Variants in KIR2DL4 observed in about 807,000 individuals in gnomAD.
KIR2DL4 encodes the protein killer cell immunoglobulin-like receptor 2DL4.
Under a neutral mutation model 31.0 loss-of-function variants are expected in KIR2DL4, and 41 were observed. The ratio of observed to expected loss-of-function variants is 1.32; its 90% CI spans 1.03 to 1.72. The LOEUF is 1.72. KIR2DL4 is among the 40% of genes most tolerant of loss of function. The pLI, the probability that KIR2DL4 is intolerant of heterozygous loss-of-function variation, is 0.00. For synonymous variants in KIR2DL4, 164 were observed against 133.6 expected, an observed-to-expected ratio of 1.23 and a Z score of -1.57; for missense variants, 438 against 353.7, an observed-to-expected ratio of 1.24 and a Z score of -1.91.
chr19:54,808,986 C>A, intron 5 of KIR2DL4, 103 bp downstream of exon 5: 1 of 941,518 alleles, frequency 1.1e-6, no homozygotes, highest in Non-Finnish European at 1.8e-6. Flanking sequence ...TGATTGTGGG[C>A]CTGTCTTCCA....
intron 3 of KIR2DL4, 101 bp from the exon 4 acceptor site, chr19:54,805,850 G>GAGAGAA: frequency 9.2e-7 from 1 of 1,081,084 alleles, no homozygotes; most frequent in Non-Finnish European, 1.3e-6. Context: ...GAGAGAGAGA[G>GAGAGAA]CACTAGGCCA....
At chr19:54,811,352 C>T (rs1235616215) in intron 5 of KIR2DL4, among the ~76,000 whole-genome samples, 2 of 151,076 alleles carry the variant, frequency 1.3e-5, no homozygotes, top group Non-Finnish European at 2.9e-5. Flanking sequence ...GAGCCAAGAT[C>T]GCGTCATTGC....
chr19:54,806,800 G>C (rs1338083315), intron 4 of KIR2DL4, among the ~76,000 whole-genome samples: 2 of 149,820 alleles, frequency 1.3e-5, no homozygotes, highest in Non-Finnish European at 3.0e-5. Context: ...TTAAAATCAG[G>C]GGCTGGAGAC....
intron 4 of KIR2DL4, 128 bp from the exon 5 acceptor site, chr19:54,808,705 G>A: frequency 2.6e-6 from 2 of 776,790 alleles, no homozygotes; most frequent in South Asian, 2.8e-5. Context: ...ATGGAGAATG[G>A]GATGCCAGGA....
chr19:54,813,012 G>GC, intron 5 of KIR2DL4: 1 of 718,724 alleles, frequency 1.4e-6, no homozygotes, highest in South Asian at 1.8e-5. Context: ...CCTCGTGGGT[G>GC]CTTGTCTTAA....
rs1429047716 is a variant in KIR2DL4 at position 54,805,052 on chromosome 19, C to G, written c.336C>G (p.Ser112Arg). The stretch of plus-strand genomic sequence containing the variant: ...CCCCCACTGAGTGGTCGGCACCCAG[C>G]AACCCCCTGGTGATCATGGTCACAG... Residue 112 changes from serine (S) to arginine (R), a missense_variant, in exon 3 of 8, where the codon AGC becomes AGG. By Grantham distance (110) the Ser-to-Arg change is moderately radical (BLOSUM62 -1). Coordinates refer to ENST00000359085, the Ensembl canonical transcript of KIR2DL4. 2.5e-6 allele frequency: 4 copies of G among 1,608,006 alleles called. No individual in the cohort carries two copies. In the African/African-American group the frequency reaches 5.4e-5, roughly 22 times the overall value.
At chr19:54,807,157 T>C (rs1241567197) in intron 4 of KIR2DL4, among the ~76,000 whole-genome samples, 1 of 151,186 alleles carries the variant, frequency 6.6e-6, no homozygotes, top group Admixed American at 6.6e-5. Flanking sequence ...ATGGCAATCC[T>C]TGTAATGACC....
At chr19:54,806,005 G>A (rs1284168117) in exon 4 of KIR2DL4, 1 of 1,610,872 alleles carries the variant, frequency 6.2e-7, no homozygotes, top group Non-Finnish European at 8.5e-7. Context: ...GTTCGCGCAG[G>A]AGAGAACGTG....
rs1195647378 is a variant in KIR2DL4, at chr19:54,811,844, G to C, written c.707-1281G>C. On this transcript the variant is annotated intron_variant, in intron 5 of 7. Transcript: ENST00000359085. Reference sequence around the variant, plus strand: ...CTGTATTGAAGCAACAGATGATGGAGGGGGTGGTCTTTCCCCCAGACTCTC... The same window carrying C: ...CTGTATTGAAGCAACAGATGATGGACGGGGTGGTCTTTCCCCCAGACTCTC... 2.6e-5 allele frequency among the ~76,000 whole-genome samples: 4 copies of C among 151,160 alleles called. 1 individual carries two copies. The highest frequency in any genetic ancestry group is 2.0e-4 in the Admixed American group (3 of 15,196).
At chr19:54,811,369 C>T (rs1173985978) in intron 5 of KIR2DL4, among the ~76,000 whole-genome samples, 1 of 151,090 alleles carries the variant, frequency 6.6e-6, no homozygotes, top group Non-Finnish European at 1.5e-5. Context: ...TTGCACTGCA[C>T]CCTAGGTGAC....
intron 5 of KIR2DL4, among the ~76,000 whole-genome samples, chr19:54,812,148 G>A (rs1338294642): frequency 6.6e-6 from 1 of 151,114 alleles, no homozygotes; most frequent in Admixed American, 6.6e-5. Flanking sequence ...ACCTGGGGCT[G>A]TGCCAATTTC....
intron 5 of KIR2DL4, among the ~76,000 whole-genome samples, chr19:54,810,359 TTAAGG>T (rs1485070613): frequency 2.0e-5 from 3 of 151,040 alleles, no homozygotes; most frequent in African/African-American, 7.3e-5. Flanking sequence ...ACTCCCAACC[TTAAGG>T]GATCCGCCCG....
intron 5 of KIR2DL4, chr19:54,813,043 C>A (rs1601226151): frequency 1.8e-6 from 2 of 1,117,642 alleles, no homozygotes; most frequent in African/African-American, 1.9e-5. Flanking sequence ...TATGTGGTTG[C>A]CTGGCAACCA....
intron 5 of KIR2DL4, among the ~76,000 whole-genome samples, chr19:54,811,369 C>A (rs1173985978): frequency 6.6e-6 from 1 of 150,978 alleles, no homozygotes; most frequent in Non-Finnish European, 1.5e-5. Context: ...TTGCACTGCA[C>A]CCTAGGTGAC....
At chr19:54,812,998 C>T (rs2060954836) in intron 5 of KIR2DL4, 3 of 647,168 alleles carry the variant, frequency 4.6e-6, no homozygotes, top group African/African-American at 2.2e-5. Context: ...AGCTGGGTCT[C>T]CCGCCTCGTG....
At position 54,806,358 on chromosome 19, in the gene KIR2DL4, G is replaced by T. The variant is rs1232271464; in HGVS notation, c.655+114G>T. Reference sequence around the variant, plus strand: ...AGATGTGGAGAGAAGATGCAGCATGGTGTGAGGGTGGGATCAGGGCACAGG... The same window carrying T: ...AGATGTGGAGAGAAGATGCAGCATGTTGTGAGGGTGGGATCAGGGCACAGG... On this transcript the variant is annotated intron_variant, in intron 4 of 7. Coordinates refer to ENST00000359085, the Ensembl canonical transcript of KIR2DL4. The T allele has an allele frequency of 7.5e-6, 9 of 1,200,554 alleles. 1 individual carries two copies. Among genetic ancestry groups the T allele is most frequent in the South Asian group, 1.4e-5 (1 of 72,148 alleles). 74.4% of individuals were successfully genotyped at this position (1,200,554 alleles called of 1,614,324 possible).
At chr19:54,813,450 A>G (rs1390787663) in intron 6 of KIR2DL4, among the ~76,000 whole-genome samples, 2 of 149,864 alleles carry the variant, frequency 1.3e-5, no homozygotes, top group Admixed American at 1.3e-4. Flanking sequence ...GCAGCCACTC[A>G]CATCCAGGAG....
At chr19:54,813,649 A>G (rs949489541) in intron 6 of KIR2DL4, 41 bp from the exon 6 acceptor site, 5 of 1,595,102 alleles carry the variant, frequency 3.1e-6, no homozygotes, top group Non-Finnish European at 4.3e-6. Context: ...AGGACCCAGA[A>G]GTGCCCTCCC....
At chr19:54,806,383 G>A in intron 4 of KIR2DL4, 139 bp downstream of exon 4, 1 of 1,007,896 alleles carries the variant, frequency 9.9e-7, no homozygotes, top group Non-Finnish European at 1.5e-6. Context: ...CAGGGCACAG[G>A]ATGGCAGACA....
Sources: gnomAD v4.1 joint callset for allele counts (sites outside exome capture counted in the v4.1 genomes callset) on GRCh38, gnomAD v4.1.1 for gene constraint, MANE v1.5 for transcripts, NCBI Gene and HGNC (gene_info 2026-07-23, HGNC 2026-07-21) for gene names.